The following PTPRK variants were observed in gnomAD, a reference collection of about 807,000 sequenced individuals.
PTPRK encodes the protein receptor-type tyrosine-protein phosphatase kappa.
PTPRK carries 75 observed loss-of-function variants against 178.0 expected under a neutral mutation model. That is an observed-to-expected ratio of 0.42 (90% CI 0.35 to 0.51). PTPRK has a LOEUF of 0.51. Among genes scored for constraint, PTPRK ranks in the 20% least tolerant of loss-of-function variants. The probability of loss-of-function intolerance (pLI) is 0.02; values close to 1 mark genes in which losing one functional copy is unlikely to be tolerated. For synonymous variants in PTPRK, 637 were observed against 620.6 expected, an observed-to-expected ratio of 1.03 and a Z score of -0.39; for missense variants, 1,441 against 1,797.8, an observed-to-expected ratio of 0.80 and a Z score of 3.59.
intron 8 of PTPRK, chr6:128,084,866 G>C (rs1159900411): frequency 5.3e-5 from 8 of 152,108 alleles, no homozygotes; most frequent in Non-Finnish European, 7.4e-5. Context: ...GGCAAGCATA[G>C]TTTTTAATTA....
chr6:128,011,845 A>G (rs917582973), intron 13 of PTPRK, among the ~76,000 whole-genome samples: 24 of 151,274 alleles, frequency 1.6e-4, no homozygotes, highest in Non-Finnish European at 3.1e-4. Flanking sequence ...AGGTATACCA[A>G]GAGTACAAAG....
At chr6:128,445,758 C>A (rs1255128230) in intron 1 of PTPRK, among the ~76,000 whole-genome samples, 1 of 152,008 alleles carries the variant, frequency 6.6e-6, no homozygotes, top group Non-Finnish European at 1.5e-5. Flanking sequence ...ACCAGGTAAA[C>A]CATATTAACA....
chr6:128,304,944 C>T (rs1168451687), intron 3 of PTPRK, among the ~76,000 whole-genome samples: 1 of 152,164 alleles, frequency 6.6e-6, no homozygotes, highest in Non-Finnish European at 1.5e-5. Flanking sequence ...CACCGTGCTG[C>T]TCAAAAAGCA....
At chr6:128,228,059 T>C (rs1811658464) in intron 5 of PTPRK, among the ~76,000 whole-genome samples, 1 of 150,778 alleles carries the variant, frequency 6.6e-6, no homozygotes, top group Non-Finnish European at 1.5e-5. Context: ...ATGGCACGTG[T>C]ATACCTATGT....
intron 29 of PTPRK, 122 bp from the exon 30 acceptor site, chr6:127,970,402 C>A: frequency 3.1e-6 from 2 of 650,702 alleles, no homozygotes; most frequent in Non-Finnish European, 4.9e-6. Flanking sequence ...TTTATTTTTT[C>A]TATATATGAG....
Position 128,005,256 on chromosome 6 carries a change from A to T in PTPRK, c.2334-12T>A, listed in dbSNP as rs1215202953. The stretch of plus-strand genomic sequence containing the variant: ...TTTTAGCAAGTTTGCTGCCAAGGCA[A>T]ATACAAAAGGGCATCCTTAGTGTTT... On this transcript the variant is annotated splice_polypyrimidine_tract_variant and intron_variant, in intron 14 of 29. Transcript: ENST00000368226. 1.2e-6 allele frequency: 2 copies of T among 1,610,456 alleles called. No homozygotes were observed. The highest frequency in any genetic ancestry group is 1.3e-5 in the African/African-American group (1 of 74,664).
intron 13 of PTPRK, among the ~76,000 whole-genome samples, chr6:128,011,719 T>C (rs1779083704): frequency 6.6e-6 from 1 of 151,138 alleles, no homozygotes. Context: ...AAGACATTTT[T>C]AAGATCTTAC....
chr6:128,387,472 TA>T lies in PTPRK; in HGVS notation c.223+10093del, dbSNP rs552987326. On this transcript the variant is annotated intron_variant, in intron 2 of 29. Coordinates refer to ENST00000368226, the MANE Select transcript of PTPRK (RefSeq NM_002844.4). ...TGATTGTCTTATTGGACATTTAGTA[TA>T]AAATTTAGGAATCTTATTCCACCAT... 2.0e-3 allele frequency among the ~76,000 whole-genome samples: 299 copies of T among 152,332 alleles called. 2 individuals are homozygous for T. The highest frequency in any genetic ancestry group is 0.014 in the Middle Eastern group (4 of 294).
intron 1 of PTPRK, among the ~76,000 whole-genome samples, chr6:128,466,589 T>C (rs962310873): frequency 6.6e-6 from 1 of 152,160 alleles, no homozygotes; most frequent in African/African-American, 2.4e-5. Flanking sequence ...GCAAGGGGGA[T>C]AGTAGGCATG....
intron 11 of PTPRK, among the ~76,000 whole-genome samples, chr6:128,074,787 A>G (rs1411781254): frequency 1.3e-5 from 2 of 152,034 alleles, no homozygotes; most frequent in Non-Finnish European, 2.9e-5. Context: ...GGTTGGTGAA[A>G]CTTAGTGCTG....
chr6:128,184,732 G>A lies in PTPRK; in HGVS notation c.869-7C>T, dbSNP rs1802477830. 1.9e-6 allele frequency: 3 copies of A among 1,611,334 alleles called. No individual in the cohort carries two copies. The highest frequency in any genetic ancestry group is 2.2e-5 in the East Asian group (1 of 44,802). Reference sequence around the variant, plus strand: ...GCAATGGGTCTTGGCGGTTCTAGGAGAGATGAGTGTGCACTTCAATTAGTA... The same window carrying A: ...GCAATGGGTCTTGGCGGTTCTAGGAAAGATGAGTGTGCACTTCAATTAGTA... On this transcript the variant is annotated splice_polypyrimidine_tract_variant and splice_region_variant and intron_variant, in intron 6 of 29. Coordinates refer to ENST00000368226, the MANE Select transcript of PTPRK (RefSeq NM_002844.4).
intron 7 of PTPRK, among the ~76,000 whole-genome samples, chr6:128,132,306 C>T (rs1167963275): frequency 6.6e-6 from 1 of 152,216 alleles, no homozygotes. Flanking sequence ...TCCTGAGTAG[C>T]TGGGACTACA....
At chr6:128,165,037 C>A (rs1799202373) in intron 7 of PTPRK, among the ~76,000 whole-genome samples, 1 of 151,112 alleles carries the variant, frequency 6.6e-6, no homozygotes, top group South Asian at 2.1e-4. Flanking sequence ...TGAAAGTTTA[C>A]ATGTTTGCAT....
chr6:128,147,327 G>T (rs2114539503), intron 7 of PTPRK, among the ~76,000 whole-genome samples: 1 of 152,152 alleles, frequency 6.6e-6, no homozygotes, highest in African/African-American at 2.4e-5. Flanking sequence ...CTTGGAATTA[G>T]AAGATACCAG....
intron 5 of PTPRK, among the ~76,000 whole-genome samples, chr6:128,228,850 A>T (rs1410221994): frequency 1.3e-5 from 2 of 152,204 alleles, no homozygotes; most frequent in East Asian, 1.9e-4. Flanking sequence ...AAATAGGTAC[A>T]GACAGACACC....
chr6:128,211,521 A>T (rs190921672), intron 6 of PTPRK, among the ~76,000 whole-genome samples: 25 of 152,260 alleles, frequency 1.6e-4, no homozygotes, highest in Admixed American at 4.6e-4. Context: ...TTTGATCGAC[A>T]CATTAATAAA....
intron 3 of PTPRK, among the ~76,000 whole-genome samples, chr6:128,298,653 T>C (rs1480617367): frequency 6.6e-6 from 1 of 152,072 alleles, no homozygotes; most frequent in Non-Finnish European, 1.5e-5. Flanking sequence ...GAAAAGGCCG[T>C]TGACAAAATT....
At chr6:128,100,790 C>T (rs1220104146) in intron 7 of PTPRK, among the ~76,000 whole-genome samples, 1 of 151,960 alleles carries the variant, frequency 6.6e-6, no homozygotes, top group African/African-American at 2.4e-5. Context: ...AGAGCATGAA[C>T]TGGCTCGAGC....
Position 128,442,663 on chromosome 6 carries a change from T to C in PTPRK, c.101-44975A>G, listed in dbSNP as rs535053449. Among the ~76,000 whole-genome samples the C allele has an allele frequency of 3.8e-4, 58 of 152,306 alleles. No homozygotes were observed. In the South Asian group the frequency reaches 8.5e-3, roughly 22 times the overall value. ...TGAGCTTCCAAAGAATAAAAGTGCATCTTCATACATAACGAAAAGTATCTT... is the reference window on the plus strand; with the variant it reads ...TGAGCTTCCAAAGAATAAAAGTGCACCTTCATACATAACGAAAAGTATCTT... On this transcript the variant is annotated intron_variant, in intron 1 of 29. Transcript: ENST00000368226.
Sources: allele counts gnomAD v4.1 joint callset (sites outside exome capture counted in the v4.1 genomes callset), GRCh38; gene constraint gnomAD v4.1.1; transcripts MANE v1.5; gene names NCBI Gene and HGNC (gene_info 2026-07-23, HGNC 2026-07-21).